Variants in PCDH15 observed in about 807,000 individuals in gnomAD.
PCDH15 encodes protocadherin related 15.
In PCDH15, 129 loss-of-function variants were observed where a neutral mutation model predicts 178.5. That is an observed-to-expected ratio of 0.72 (90% CI 0.63 to 0.84). The LOEUF is 0.84. PCDH15 is among the 40% of genes least tolerant of loss of function. The pLI is 0.00. For synonymous variants in PCDH15, 800 were observed against 732.0 expected (o/e 1.09, Z -1.50); for missense variants, 2,230 against 2,099.9 (o/e 1.06, Z -1.21).
At chr10:54,244,682 T>C (rs1591388995) in intron 8 of PCDH15, among the ~76,000 whole-genome samples, 1 of 152,346 alleles carries the variant, frequency 6.6e-6, no homozygotes, top group East Asian at 1.9e-4. Flanking sequence ...TATCCATTTC[T>C]ATAACAACTA....
intron 3 of PCDH15, among the ~76,000 whole-genome samples, chr10:54,421,816 G>GTATATATATATATATATATACACACACAC: frequency 9.3e-6 from 1 of 107,962 alleles, no homozygotes; most frequent in South Asian, 3.0e-4. Context: ...TGTAGTGTGT[G>GTATATATATATATATATATACACACACAC]TATATATATA....
At chr10:55,067,676 A>G (rs1363188589) in intron 2 of PCDH15, among the ~76,000 whole-genome samples, 2 of 135,212 alleles carry the variant, frequency 1.5e-5, no homozygotes, top group Non-Finnish European at 3.1e-5. Context: ...GCTGCTTTCT[A>G]TGGTGGTTGT....
intron 1 of PCDH15, among the ~76,000 whole-genome samples, chr10:54,774,970 C>T (rs1272877091): frequency 2.0e-5 from 3 of 152,088 alleles, no homozygotes; most frequent in Admixed American, 6.6e-5. Flanking sequence ...CTTTGTAATT[C>T]CACACAAGCG....
intron 2 of PCDH15, among the ~76,000 whole-genome samples, chr10:55,464,102 G>A (rs1171299381): frequency 6.6e-6 from 1 of 151,714 alleles, no homozygotes; most frequent in African/African-American, 2.4e-5. Context: ...AAGGAGTACT[G>A]ACACATAAAC....
chr10:54,974,664 A>G lies in PCDH15; in HGVS notation c.-79-77164T>C, dbSNP rs116626016. Among the ~76,000 whole-genome samples, 881 of 152,180 alleles carry G rather than the reference A, an allele frequency of 5.8e-3. 7 individuals carry two copies. Among genetic ancestry groups the G allele is most frequent in the African/African-American group, 0.02 (833 of 41,544 alleles). On this transcript the variant is annotated intron_variant, in intron 2 of 5. Transcript: ENST00000458638. Reference sequence around the variant, plus strand: ...TTCTTTTGATCTCAGTAAAATAAATATATATTTCCATGAAAACCCTTCAGA... The same window carrying G: ...TTCTTTTGATCTCAGTAAAATAAATGTATATTTCCATGAAAACCCTTCAGA...
chr10:53,810,389 C>CA (rs1177140647), intron 37 of PCDH15, among the ~76,000 whole-genome samples, 167 bp downstream of exon 37: 1 of 151,998 alleles, frequency 6.6e-6, no homozygotes, highest in Admixed American at 6.6e-5. Context: ...AATTTTCCTC[C>CA]AAAGACAAGG....
chr10:54,958,012 A>G (rs1838535082), intron 2 of PCDH15, among the ~76,000 whole-genome samples: 2 of 151,716 alleles, frequency 1.3e-5, no homozygotes, highest in African/African-American at 4.8e-5. Flanking sequence ...TCAATTAGAG[A>G]CCAAAGGAAT....
chr10:54,952,524 G>C (rs1036092406), intron 2 of PCDH15, among the ~76,000 whole-genome samples: 4 of 151,742 alleles, frequency 2.6e-5, no homozygotes, highest in African/African-American at 9.7e-5. Context: ...AAATCCGCTT[G>C]TCAGTATTCA....
intron 3 of PCDH15, among the ~76,000 whole-genome samples, chr10:54,457,890 C>T (rs749571875): frequency 6.6e-6 from 1 of 152,100 alleles, no homozygotes; most frequent in Non-Finnish European, 1.5e-5. Flanking sequence ...TATGCCCAAA[C>T]ATAATACAAT....
chr10:54,045,196 G>A (rs564408965), intron 18 of PCDH15, among the ~76,000 whole-genome samples: 43 of 146,486 alleles, frequency 2.9e-4, no homozygotes, highest in Non-Finnish European at 5.8e-4. Flanking sequence ...TTCAGGGTGG[G>A]AATGGCCTCT....
chr10:55,150,103 C>T (rs180693345), intron 2 of PCDH15, among the ~76,000 whole-genome samples: 11 of 148,362 alleles, frequency 7.4e-5, no homozygotes, highest in Admixed American at 1.4e-4. Flanking sequence ...AGATAGAAGA[C>T]GAGAGGAGAG....
intron 7 of PCDH15, among the ~76,000 whole-genome samples, chr10:54,318,026 G>C (rs568690430): frequency 1.3e-4 from 20 of 152,230 alleles, no homozygotes; most frequent in Admixed American, 1.1e-3. Flanking sequence ...CATCTCATTA[G>C]AGCATTTACT....
intron 2 of PCDH15, among the ~76,000 whole-genome samples, chr10:55,118,743 G>A (rs1837688842): frequency 6.6e-6 from 1 of 152,222 alleles, no homozygotes; most frequent in African/African-American, 2.4e-5. Flanking sequence ...TTGGTTCCCA[G>A]ATGATACCTA....
rs929816627 is a variant in PCDH15 at position 55,288,049 on chromosome 10, C to G, written c.-156+31550G>C. On this transcript the variant is annotated intron_variant, in intron 1 of 5. Transcript: ENST00000458638. ...GTAAATATGTGTTGAGTACTGAATA[C>G]TGACACGATACTTAATATATATATA... 5.3e-5 allele frequency among the ~76,000 whole-genome samples: 8 copies of G among 150,216 alleles called. No homozygotes were observed. In the Admixed American group the frequency reaches 5.3e-4, roughly 10 times the overall value.
intron 1 of PCDH15, among the ~76,000 whole-genome samples, chr10:55,256,681 G>T (rs940285458): frequency 2.0e-5 from 3 of 152,200 alleles, no homozygotes; most frequent in Admixed American, 1.3e-4. Context: ...TGGGGGAGGG[G>T]CGCCCGCCAT....
intron 2 of PCDH15, among the ~76,000 whole-genome samples, chr10:55,597,993 G>A (rs1192210491): frequency 1.3e-5 from 2 of 152,044 alleles, no homozygotes; most frequent in East Asian, 1.9e-4. Context: ...TCAAAAGAAG[G>A]AGGTATCAAG....
intron 2 of PCDH15, among the ~76,000 whole-genome samples, chr10:54,962,966 G>A (rs571711695): frequency 4.6e-5 from 7 of 152,236 alleles, no homozygotes; most frequent in South Asian, 4.2e-4. Context: ...TGAAAAATGC[G>A]TACTTGAAAA....
chr10:54,215,912 G>A (rs1025788606), intron 9 of PCDH15, among the ~76,000 whole-genome samples: 45 of 151,722 alleles, frequency 3.0e-4, no homozygotes, highest in African/African-American at 8.0e-4. Context: ...GCCTGGTGGC[G>A]GGCGCCTGTA....
At chr10:54,349,378 A>G (rs997363298) in intron 5 of PCDH15, among the ~76,000 whole-genome samples, 1 of 152,212 alleles carries the variant, frequency 6.6e-6, no homozygotes, top group Non-Finnish European at 1.5e-5. Flanking sequence ...TATATGACAG[A>G]AATTTGTTGG....
Sources: allele counts gnomAD v4.1 joint callset (sites outside exome capture counted in the v4.1 genomes callset), GRCh38; gene constraint gnomAD v4.1.1; transcripts MANE v1.5; gene names NCBI Gene and HGNC (gene_info 2026-07-23, HGNC 2026-07-21).